Variants in FBXW7 observed in about 807,000 individuals in gnomAD.
FBXW7 encodes F-box and WD repeat domain containing 7.
FBXW7 carries 11 observed loss-of-function variants against 86.3 expected under a neutral mutation model. The observed-to-expected ratio is 0.13, with a 90% confidence interval of 0.08 to 0.21. The LOEUF is 0.21. FBXW7 is among the 10% of genes least tolerant of loss of function. FBXW7 has a pLI of 1.00. For missense variants in FBXW7, 488 were observed against 847.4 expected (o/e 0.58, Z 5.27); for synonymous variants, 313 against 297.9 (o/e 1.05, Z -0.52).
chr4:152,333,702 GC>G (rs1338127115), intron 7 of FBXW7, among the ~76,000 whole-genome samples: 1 of 152,086 alleles, frequency 6.6e-6, no homozygotes, highest in Non-Finnish European at 1.5e-5. Context: ...ATTTTTTGAT[GC>G]TAAATGTAAA....
intron 2 of FBXW7, among the ~76,000 whole-genome samples, chr4:152,524,738 G>A (rs1282240980): frequency 6.6e-6 from 1 of 151,448 alleles, no homozygotes; most frequent in Non-Finnish European, 1.5e-5. Context: ...CTCTTCTCCC[G>A]CTCATTTATT....
At chr4:152,343,219 T>C (rs557708087) in intron 6 of FBXW7, among the ~76,000 whole-genome samples, 3 of 152,286 alleles carry the variant, frequency 2.0e-5, no homozygotes, top group Admixed American at 1.3e-4. Flanking sequence ...ATGCTTTAAT[T>C]AAAATAATGT....
At chr4:152,431,769 T>A (rs927929500) in intron 2 of FBXW7, among the ~76,000 whole-genome samples, 1 of 152,164 alleles carries the variant, frequency 6.6e-6, no homozygotes, top group African/African-American at 2.4e-5. Context: ...CTCCTTGTGG[T>A]TCATATTTAA....
chr4:152,450,219 T>C (rs1560912351), intron 2 of FBXW7, among the ~76,000 whole-genome samples: 1 of 152,204 alleles, frequency 6.6e-6, no homozygotes, highest in East Asian at 1.9e-4. Context: ...AATCCTTTGG[T>C]AGATAAAGGC....
intron 7 of FBXW7, among the ~76,000 whole-genome samples, chr4:152,337,344 C>T (rs1416178722): frequency 6.6e-6 from 1 of 151,748 alleles, no homozygotes; most frequent in Non-Finnish European, 1.5e-5. Flanking sequence ...TACCAGAGAA[C>T]TAGAATTCAA....
At chr4:152,347,522 G>A (rs577131440) in intron 5 of FBXW7, among the ~76,000 whole-genome samples, 1 of 152,218 alleles carries the variant, frequency 6.6e-6, no homozygotes, top group African/African-American at 2.4e-5. Flanking sequence ...ATGTTCAAAT[G>A]TTTTGAATTT....
chr4:152,354,959 A>G (rs143547307), intron 4 of FBXW7, among the ~76,000 whole-genome samples: 18 of 152,280 alleles, frequency 1.2e-4, no homozygotes, highest in African/African-American at 2.9e-4. Flanking sequence ...GCGAATGTTT[A>G]TAAGTACTAA....
rs1358178925 is a variant in FBXW7 at position 152,330,868 on chromosome 4, C to T, written c.986G>A (p.Gly329Glu). Reference sequence around the variant, plus strand: ...CTTGATGTGCAATGGTTCATCAATCCCTAAAGTGTTACAGTTCAAGAGTAA... The same window carrying T: ...CTTGATGTGCAATGGTTCATCAATCTCTAAAGTGTTACAGTTCAAGAGTAA... ...LLWREKCKEE[G>E]IDEPLHIKRR... Residue 329 changes from glycine (G) to glutamate (E), a missense_variant and splice_region_variant, in exon 9 of 14, where the codon GGG becomes GAG. By Grantham distance (98) the Gly-to-Glu change is moderately conservative. This residue lies in a region of FBXW7 where 57 missense variants were observed against 62.8 expected (regional missense o/e 0.91). Coordinates refer to ENST00000281708, the MANE Select transcript of FBXW7 (RefSeq NM_001349798.2). The T allele has an allele frequency of 6.2e-7, 1 of 1,609,742 alleles. No individual in the cohort carries two copies. Among genetic ancestry groups the T allele is most frequent in the Non-Finnish European group, 8.5e-7 (1 of 1,177,586 alleles).
chr4:152,365,259 A>G (rs1269029601), intron 4 of FBXW7, among the ~76,000 whole-genome samples: 1 of 152,216 alleles, frequency 6.6e-6, no homozygotes, highest in African/African-American at 2.4e-5. Flanking sequence ...ACATTACCCA[A>G]GACCTCAAAG....
At position 152,361,925 on chromosome 4, in the gene FBXW7, C is replaced by A. The variant is rs1177801808; in HGVS notation, c.502-11801G>T. Reference sequence around the variant, plus strand: ...AGGGTGCAGTGAGCCGAGATTGCAACACTGCACTCCAGCCTGGGAGACAGA... The same window carrying A: ...AGGGTGCAGTGAGCCGAGATTGCAAAACTGCACTCCAGCCTGGGAGACAGA... On this transcript the variant is annotated intron_variant, in intron 4 of 13. Transcript: ENST00000281708. 2.2e-5 allele frequency among the ~76,000 whole-genome samples: 3 copies of A among 136,302 alleles called. No homozygotes were observed. The South Asian group carries it at 6.9e-4, about 31-fold the overall frequency. The allele number at this position is 136,302 out of a possible 152,430, so 89.4% of individuals were successfully genotyped here.
chr4:152,479,795 C>T (rs1744722735), intron 2 of FBXW7, among the ~76,000 whole-genome samples: 1 of 152,162 alleles, frequency 6.6e-6, no homozygotes, highest in South Asian at 2.1e-4. Context: ...TGCAAAGGCA[C>T]ATTTTCCCTT....
intron 2 of FBXW7, among the ~76,000 whole-genome samples, chr4:152,463,949 AAGG>A (rs1458301769): frequency 2.6e-5 from 4 of 152,234 alleles, no homozygotes; most frequent in African/African-American, 7.2e-5. Context: ...ACAGAAGACA[AAGG>A]AGAAGTGAAT....
intron 2 of FBXW7, among the ~76,000 whole-genome samples, chr4:152,501,045 T>TA (rs1746897953): frequency 6.6e-6 from 1 of 152,208 alleles, no homozygotes; most frequent in Admixed American, 6.5e-5. Context: ...AAGTCCGACT[T>TA]AAAGTCACTG....
At chr4:152,348,192 C>T (rs1401070250) in intron 5 of FBXW7, among the ~76,000 whole-genome samples, 3 of 140,802 alleles carry the variant, frequency 2.1e-5, no homozygotes, top group Non-Finnish European at 4.9e-5. Flanking sequence ...GTATCTCAGT[C>T]ACCAGATTTT....
chr4:152,412,544 A>G lies in FBXW7; in HGVS notation c.-119-15T>C, dbSNP rs1188003830. ...AGGAAGTAATCCTAAAACAGAAAAA[A>G]AAAATTTATACAGAGGATGCTCACT... On this transcript the variant is annotated splice_polypyrimidine_tract_variant and intron_variant, in intron 2 of 13. Coordinates refer to ENST00000281708, the MANE Select transcript of FBXW7 (RefSeq NM_001349798.2). 1 of 152,046 alleles carries G rather than the reference A, an allele frequency of 6.6e-6. No homozygotes were observed. The highest frequency in any genetic ancestry group is 2.4e-5 in the African/African-American group (1 of 41,438). 9.4% of individuals were successfully genotyped at this position (152,046 alleles called of 1,614,324 possible).
intron 4 of FBXW7, among the ~76,000 whole-genome samples, chr4:152,374,185 A>G (rs1317079250): frequency 6.6e-6 from 1 of 151,884 alleles, no homozygotes; most frequent in Non-Finnish European, 1.5e-5. Flanking sequence ...CCCCACCACA[A>G]AACAGGTACC....
intron 4 of FBXW7, among the ~76,000 whole-genome samples, chr4:152,369,381 T>C (rs1214351537): frequency 6.6e-6 from 1 of 152,140 alleles, no homozygotes; most frequent in Non-Finnish European, 1.5e-5. Flanking sequence ...TCTGCTTTTC[T>C]GATATGAACT....
intron 2 of FBXW7, among the ~76,000 whole-genome samples, chr4:152,480,010 A>T (rs1003893057): frequency 6.6e-6 from 1 of 151,798 alleles, no homozygotes; most frequent in Non-Finnish European, 1.5e-5. Context: ...ATCTCTCTGG[A>T]CTCATGGATT....
intron 4 of FBXW7, among the ~76,000 whole-genome samples, chr4:152,401,266 A>G (rs1388883272): frequency 1.3e-5 from 2 of 152,234 alleles, no homozygotes; most frequent in Non-Finnish European, 2.9e-5. Flanking sequence ...TATATTCATA[A>G]TTGCCAATTA....
Sources: allele counts gnomAD v4.1 joint callset (sites outside exome capture counted in the v4.1 genomes callset), GRCh38; gene constraint gnomAD v4.1.1; regional missense constraint gnomAD v4.1.1; transcripts MANE v1.5; gene names NCBI Gene and HGNC (gene_info 2026-07-23, HGNC 2026-07-21).